FAAH2: variants seen among roughly 807,000 people sequenced by gnomAD.
FAAH2 encodes the protein fatty acid amide hydrolase 2, also known as fatty-acid amide hydrolase 2.
In FAAH2, 60 loss-of-function variants were observed where a neutral mutation model predicts 36.9. The ratio of observed to expected loss-of-function variants is 1.63; its 90% CI spans 1.32 to 2.02. The LOEUF is 2.02. Among genes scored for constraint, FAAH2 ranks in the 30% most tolerant of loss-of-function variants. The probability of loss-of-function intolerance (pLI) is 0.00; values close to 1 mark genes in which losing one functional copy is unlikely to be tolerated. For missense variants in FAAH2, 689 were observed against 397.5 expected (o/e 1.73, Z -6.23); for synonymous variants, 214 against 143.8 (o/e 1.49, Z -3.49).
intron 10 of FAAH2, among the ~76,000 whole-genome samples, chrX:57,467,094 C>T (rs947914472): frequency 3.6e-5 from 4 of 111,236 alleles, no homozygotes; most frequent in Non-Finnish European, 7.5e-5. Flanking sequence ...AAACAAGTTT[C>T]AATCTATTAT....
intron 5 of FAAH2, among the ~76,000 whole-genome samples, chrX:57,367,995 T>G (rs1991699): frequency 0.011 from 1,251 of 111,754 alleles, 16 homozygotes; most frequent in African/African-American, 0.039. Flanking sequence ...CAATAACCAC[T>G]TCATGCCTCC....
intron 3 of FAAH2, among the ~76,000 whole-genome samples, chrX:57,317,705 G>C (rs906636158): frequency 9.0e-6 from 1 of 111,694 alleles, no homozygotes; most frequent in African/African-American, 3.3e-5. Context: ...CAAATCAACA[G>C]AATACACATT....
the FAAH2 span, among the ~76,000 whole-genome samples, chrX:57,205,552 G>A: frequency 8.9e-6 from 1 of 112,031 alleles, no homozygotes; most frequent in East Asian, 2.8e-4. Flanking sequence ...CACATTAACA[G>A]GCATATCAAA....
At chrX:57,157,220 T>C in the FAAH2 span, among the ~76,000 whole-genome samples, 1 of 111,179 alleles carries the variant, frequency 9.0e-6, no homozygotes, top group Non-Finnish European at 1.9e-5. Context: ...ATCACACAGG[T>C]CCTCCACACC....
chrX:57,441,113 G>C (rs2056543495), intron 8 of FAAH2, among the ~76,000 whole-genome samples: 1 of 111,539 alleles, frequency 9.0e-6, no homozygotes, highest in African/African-American at 3.3e-5. Context: ...GATGATGTTG[G>C]CCTCAGAAAA....
intron 9 of FAAH2, among the ~76,000 whole-genome samples, chrX:57,448,172 T>C (rs1029564183): frequency 4.8e-4 from 54 of 111,491 alleles, no homozygotes; most frequent in African/African-American, 1.7e-3. Flanking sequence ...AGTTTCATCA[T>C]ATTGCCCAAG....
chrX:57,175,008 A>G, the FAAH2 span, among the ~76,000 whole-genome samples: 4 of 111,955 alleles, frequency 3.6e-5, no homozygotes, highest in Non-Finnish European at 7.5e-5. Context: ...CATATCATCT[A>G]TCTTGGAAAA....
chrX:57,377,260 C>T (rs2054707467), intron 5 of FAAH2, among the ~76,000 whole-genome samples: 1 of 111,935 alleles, frequency 8.9e-6, no homozygotes, highest in Non-Finnish European at 1.9e-5. Context: ...GGTTTTCTTC[C>T]AGGATTTTTA....
chrX:57,376,007 G>A (rs1366771764), intron 5 of FAAH2, among the ~76,000 whole-genome samples: 1 of 111,037 alleles, frequency 9.0e-6, no homozygotes, highest in Non-Finnish European at 1.9e-5. Flanking sequence ...CCACTGCATT[G>A]CAGTGCCATC....
the FAAH2 span, among the ~76,000 whole-genome samples, chrX:57,198,791 T>C: frequency 8.9e-6 from 1 of 112,189 alleles, no homozygotes; most frequent in Non-Finnish European, 1.9e-5. Flanking sequence ...TTCCTGCTTC[T>C]TCTTCTACTT....
chrX:57,488,922 G>A lies in FAAH2; in HGVS notation c.1589G>A (p.Gly530Glu), dbSNP rs763856122. 7 of 1,209,141 alleles carry A rather than the reference G, an allele frequency of 5.8e-6. No individual in the cohort carries two copies. In the Admixed American group the frequency reaches 1.3e-4, roughly 23 times the overall value. ...ACTTTTGGGGGCTGGGTCTGTCCAG[G>A]AAAGTTTTAGGAGGACCTTCTGCAA... ...EKTFGGWVCP[G>E]KF Residue 530 changes from glycine to glutamate, a missense_variant, in exon 11 of 11, where the codon GGA (glycine) becomes GAA (glutamate). Gly to Glu is a moderately conservative substitution (Grantham distance 98, BLOSUM62 -2). Coordinates refer to ENST00000374900, the MANE Select transcript of FAAH2 (RefSeq NM_174912.4).
intron 1 of FAAH2, chrX:57,290,361 T>A: frequency 4.1e-5 from 25 of 613,804 alleles, no homozygotes; most frequent in Non-Finnish European, 4.9e-5. Context: ...TACACTAGAC[T>A]ATTGAGTTAT....
chrX:57,437,929 A>G (rs912897775), intron 8 of FAAH2, among the ~76,000 whole-genome samples: 1 of 103,563 alleles, frequency 9.7e-6, no homozygotes, highest in Non-Finnish European at 2.0e-5. Context: ...ATGTATACAC[A>G]TATATACATA....
At chrX:57,427,847 A>G (rs2147099675) in intron 7 of FAAH2, among the ~76,000 whole-genome samples, 1 of 111,672 alleles carries the variant, frequency 9.0e-6, no homozygotes, top group South Asian at 3.8e-4. Context: ...CTGAAACAAG[A>G]CAAAAATGCC....
intron 10 of FAAH2, among the ~76,000 whole-genome samples, chrX:57,468,959 A>T (rs1340498546): frequency 8.9e-6 from 1 of 111,978 alleles, no homozygotes; most frequent in Non-Finnish European, 1.9e-5. Context: ...TTCTTAAAGA[A>T]AAGAATTTTC....
chrX:57,338,482 C>A (rs764514704), intron 4 of FAAH2, among the ~76,000 whole-genome samples: 15 of 111,629 alleles, frequency 1.3e-4, no homozygotes, highest in African/African-American at 4.9e-4. Context: ...TTTTGTGATT[C>A]TTCAGTTACT....
chrX:57,135,413 C>T, the FAAH2 span: 1 of 169,492 alleles, frequency 5.9e-6, no homozygotes, highest in Non-Finnish European at 1.1e-5. Context: ...TGGCCCTTTT[C>T]CACCTCTTCC....
chrX:57,308,184 G>A (rs1230523670), intron 2 of FAAH2, among the ~76,000 whole-genome samples: 1 of 111,713 alleles, frequency 9.0e-6, no homozygotes, highest in Non-Finnish European at 1.9e-5. Context: ...GGGTCAAATG[G>A]TAGTTTTGTT....
chrX:57,299,277 C>T (rs1273102072), intron 2 of FAAH2, among the ~76,000 whole-genome samples: 2 of 111,947 alleles, frequency 1.8e-5, no homozygotes, highest in East Asian at 5.6e-4. Flanking sequence ...GGGGTTCATC[C>T]CTGGGATGCA....
Sources: gnomAD v4.1 joint callset for allele counts (sites outside exome capture counted in the v4.1 genomes callset) on GRCh38, gnomAD v4.1.1 for gene constraint, MANE v1.5 for transcripts, NCBI Gene and HGNC (gene_info 2026-07-23, HGNC 2026-07-21) for gene names.